Variants in VWA8 observed in about 807,000 individuals in gnomAD.
VWA8 encodes the protein von Willebrand factor A domain-containing protein 8.
Under a neutral mutation model 241.5 loss-of-function variants are expected in VWA8, and 221 were observed. The observed-to-expected ratio is 0.91, with a 90% CI of 0.82 to 1.02. The LOEUF (loss-of-function observed/expected upper bound fraction) is 1.02. Ranked by LOEUF, VWA8 falls within the 50% of genes least tolerant of loss-of-function variation. The probability of loss-of-function intolerance (pLI) is 0.00; values close to 1 mark genes in which losing one functional copy is unlikely to be tolerated. For synonymous variants in VWA8, 852 were observed against 827.1 expected, an observed-to-expected ratio of 1.03 and a Z score of -0.52; for missense variants, 2,322 against 2,328.7, an observed-to-expected ratio of 1.00 and a Z score of 0.06.
chr13:41,606,337 C>T (rs2044553649), intron 39 of VWA8, among the ~76,000 whole-genome samples: 1 of 152,096 alleles, frequency 6.6e-6, no homozygotes, highest in Admixed American at 6.6e-5. Flanking sequence ...TACAACTCAG[C>T]ATTACTTAAA....
chr13:41,767,824 T>G (rs2045789750), intron 20 of VWA8, among the ~76,000 whole-genome samples: 1 of 152,252 alleles, frequency 6.6e-6, no homozygotes. Context: ...AAAAATCCAC[T>G]TTTGGGTAGT....
chr13:41,726,787 G>T (rs913186241), intron 24 of VWA8, among the ~76,000 whole-genome samples: 2 of 152,108 alleles, frequency 1.3e-5, no homozygotes, highest in African/African-American at 4.8e-5. Flanking sequence ...ATGAGGTCAG[G>T]AGTTCGAGAC....
chr13:41,674,344 G>T (rs2045045615), intron 36 of VWA8, among the ~76,000 whole-genome samples: 1 of 152,172 alleles, frequency 6.6e-6, no homozygotes, highest in Non-Finnish European at 1.5e-5. Context: ...AGGCCCTCCA[G>T]GCTACTCTGC....
chr13:41,897,105 C>T (rs1875145748), intron 4 of VWA8, among the ~76,000 whole-genome samples: 1 of 151,812 alleles, frequency 6.6e-6, no homozygotes, highest in South Asian at 2.1e-4. Context: ...TGAAAAGGCC[C>T]ACAATATGTT....
chr13:41,758,443 T>A (rs1405396308), intron 21 of VWA8, among the ~76,000 whole-genome samples: 1 of 117,750 alleles, frequency 8.5e-6, no homozygotes, highest in Non-Finnish European at 1.9e-5. Context: ...CTAGTATATA[T>A]ATTCCATATA....
intron 29 of VWA8, among the ~76,000 whole-genome samples, chr13:41,697,342 A>T (rs2045221597): frequency 6.6e-6 from 1 of 152,128 alleles, no homozygotes; most frequent in Non-Finnish European, 1.5e-5. Context: ...ACCCAGAGAA[A>T]TCCTTTAATC....
chr13:41,950,067 T>C (rs1051188311), intron 1 of VWA8, 54 bp from the exon 2 acceptor site: 5 of 1,121,174 alleles, frequency 4.5e-6, no homozygotes, highest in Non-Finnish European at 5.2e-6. Context: ...GAGAAAACCA[T>C]AGACTATGCA....
chr13:41,909,922 G>A lies in VWA8; in HGVS notation c.372+2116C>T, dbSNP rs977836696. On this transcript the variant is annotated intron_variant, in intron 3 of 44. Transcript: ENST00000379310. ...TATTTTCTCATGGTTTACCATGCTT[G>A]CCCCAGATTTTCTGCCTTTAAAGAT... Among the ~76,000 whole-genome samples the A allele has an allele frequency of 1.2e-4, 19 of 152,284 alleles. No homozygotes were observed. In the South Asian group the frequency reaches 3.5e-3, roughly 28 times the overall value.
intron 26 of VWA8, among the ~76,000 whole-genome samples, chr13:41,718,025 G>A (rs1368938880): frequency 1.3e-5 from 2 of 151,802 alleles, no homozygotes; most frequent in Non-Finnish European, 2.9e-5. Flanking sequence ...ACCATTTTTA[G>A]TTTCTTCCTT....
At position 41,961,059 on chromosome 13, in the gene VWA8, C is replaced by A. The variant is rs1194207264; in HGVS notation, c.-44G>T. On this transcript the variant is annotated 5_prime_UTR_variant, in exon 1 of 45. Transcript: ENST00000379310. The stretch of plus-strand genomic sequence containing the variant: ...GGGGACGGCGAGGGGGCTCGGGGAT[C>A]GAGCGGCGTCCCGTGCAGGCACCGT... The A allele has an allele frequency of 1.5e-6, 2 of 1,353,396 alleles. No homozygotes were observed. The highest frequency in any genetic ancestry group is 3.5e-5 in the South Asian group (2 of 56,770). 83.8% of individuals were successfully genotyped at this position (1,353,396 alleles called of 1,614,324 possible).
chr13:41,749,702 G>A (rs537693831), intron 21 of VWA8, among the ~76,000 whole-genome samples: 14 of 152,234 alleles, frequency 9.2e-5, no homozygotes, highest in African/African-American at 2.4e-4. Context: ...CATGTCCTTC[G>A]TAGGGACATG....
At chr13:41,887,553 A>C (rs1874607576) in intron 5 of VWA8, among the ~76,000 whole-genome samples, 192 bp from the exon 6 acceptor site, 1 of 152,218 alleles carries the variant, frequency 6.6e-6, no homozygotes, top group Admixed American at 6.5e-5. Flanking sequence ...CACAACATGA[A>C]GACTGGGGTG....
At chr13:41,573,766 C>T (rs1346554679) in intron 43 of VWA8, among the ~76,000 whole-genome samples, 4 of 151,474 alleles carry the variant, frequency 2.6e-5, no homozygotes, top group Non-Finnish European at 4.4e-5. Flanking sequence ...TGCGGGTGCC[C>T]GCCACCATGC....
chr13:41,718,668 T>C (rs1054331578), intron 26 of VWA8, among the ~76,000 whole-genome samples: 3 of 151,686 alleles, frequency 2.0e-5, no homozygotes, highest in Non-Finnish European at 4.4e-5. Context: ...AAAGAATCAA[T>C]AAATATGGAT....
At chr13:41,672,913 C>T (rs1050686780) in intron 36 of VWA8, among the ~76,000 whole-genome samples, 1 of 152,114 alleles carries the variant, frequency 6.6e-6, no homozygotes, top group Non-Finnish European at 1.5e-5. Context: ...CTGCCAAGAA[C>T]ACCCAAGCTG....
At chr13:41,788,987 A>G (rs543169500) in intron 17 of VWA8, among the ~76,000 whole-genome samples, 2 of 152,234 alleles carry the variant, frequency 1.3e-5, no homozygotes. Context: ...CTTCACCAAT[A>G]TTGGCAGGCA....
chr13:41,913,507 C>A (rs1478553646), intron 2 of VWA8, among the ~76,000 whole-genome samples: 1 of 152,162 alleles, frequency 6.6e-6, no homozygotes, highest in Non-Finnish European at 1.5e-5. Flanking sequence ...CGGATTAGTT[C>A]AAAGATCCAA....
intron 9 of VWA8, among the ~76,000 whole-genome samples, chr13:41,873,999 C>A (rs948324774): frequency 6.6e-6 from 1 of 152,174 alleles, no homozygotes; most frequent in Non-Finnish European, 1.5e-5. Context: ...ATCAAGTGGG[C>A]TTCATCCCTG....
intron 2 of VWA8, among the ~76,000 whole-genome samples, chr13:41,946,314 C>G (rs1241230997): frequency 6.6e-6 from 1 of 151,668 alleles, no homozygotes; most frequent in Admixed American, 6.6e-5. Context: ...GCACACTAGA[C>G]AGTAACTCAA....
Sources: allele counts gnomAD v4.1 joint callset (sites outside exome capture counted in the v4.1 genomes callset), GRCh38; gene constraint gnomAD v4.1.1; transcripts MANE v1.5; gene names NCBI Gene and HGNC (gene_info 2026-07-23, HGNC 2026-07-21).